MYO6: variants seen among roughly 807,000 people sequenced by gnomAD.
The protein encoded by MYO6 is unconventional myosin-VI.
In MYO6, 74 loss-of-function variants were observed where a neutral mutation model predicts 178.7. The observed-to-expected ratio is 0.41, with a 90% CI of 0.34 to 0.50. The LOEUF (loss-of-function observed/expected upper bound fraction) is 0.50. Ranked by LOEUF, MYO6 falls within the 20% of genes least tolerant of loss-of-function variation. The pLI is 0.09. For synonymous variants in MYO6, 477 were observed against 504.6 expected, an observed-to-expected ratio of 0.95 and a Z score of 0.73; for missense variants, 1,330 against 1,547.4, an observed-to-expected ratio of 0.86 and a Z score of 2.36.
intron 30 of MYO6, among the ~76,000 whole-genome samples, chr6:75,901,124 A>T (rs372652903): frequency 2.6e-5 from 4 of 151,962 alleles, no homozygotes; most frequent in African/African-American, 7.3e-5. Context: ...GCATGCTGTT[A>T]TGGTTACTGT....
intron 23 of MYO6, among the ~76,000 whole-genome samples, chr6:75,885,684 G>A (rs1005713317): frequency 1.3e-4 from 20 of 152,202 alleles, no homozygotes; most frequent in African/African-American, 4.6e-4. Context: ...CCGACCCTAC[G>A]ATCCGCCCGC....
intron 1 of MYO6, among the ~76,000 whole-genome samples, chr6:75,809,913 A>C (rs554260372): frequency 4.7e-5 from 7 of 149,212 alleles, no homozygotes; most frequent in South Asian, 2.1e-4. Flanking sequence ...AAAAAAAAAA[A>C]AAACAAAAAA....
chr6:75,845,030 G>C, intron 10 of MYO6, 53 bp downstream of exon 10: 1 of 1,394,058 alleles, frequency 7.2e-7, no homozygotes. Context: ...AACTCATGCT[G>C]AAAGATGTGT....
At chr6:75,870,848 T>C (rs562123453) in intron 19 of MYO6, among the ~76,000 whole-genome samples, 163 bp downstream of exon 19, 1 of 152,258 alleles carries the variant, frequency 6.6e-6, no homozygotes, top group African/African-American at 2.4e-5. Flanking sequence ...AGGTCAAATA[T>C]ATATGTGAAG....
intron 1 of MYO6, among the ~76,000 whole-genome samples, chr6:75,769,098 A>C (rs796931025): frequency 9.2e-5 from 14 of 152,322 alleles, no homozygotes; most frequent in African/African-American, 3.4e-4. Context: ...GCACCAAGCC[A>C]TTCATGAGGG....
At position 75,911,427 on chromosome 6, in the gene MYO6, T is replaced by A. The variant is rs960707778; in HGVS notation, c.3413-245T>A. ...AAATCACAAATGAAGTATGATTTTT[T>A]AATTTTGGTCCTCTTTATATGTGCT... On this transcript the variant is annotated intron_variant, in intron 32 of 34. Coordinates refer to ENST00000369977, the MANE Select transcript of MYO6 (RefSeq NM_004999.4). Among the ~76,000 whole-genome samples the A allele has an allele frequency of 5.3e-5, 8 of 152,084 alleles. No homozygotes were observed. In the South Asian group the frequency reaches 6.2e-4, roughly 12 times the overall value.
intron 27 of MYO6, 49 bp from the exon 28 acceptor site, chr6:75,892,481 A>G (rs2149373660): frequency 6.2e-7 from 1 of 1,612,842 alleles, no homozygotes; most frequent in East Asian, 2.2e-5. Context: ...GGAGTGATCA[A>G]GTAAACAAGT....
At position 75,815,982 on chromosome 6, in the gene MYO6, T is replaced by C. The variant is rs564294676; in HGVS notation, c.-47-1519T>C. 2.5e-4 allele frequency among the ~76,000 whole-genome samples: 38 copies of C among 152,358 alleles called. No individual in the cohort carries two copies. The South Asian group carries it at 7.9e-3, about 32-fold the overall frequency. ...GCTCATTAAAACAAAATATTTTGCA[T>C]GTCACGGATTGTTTTGGCTACTCTT... On this transcript the variant is annotated intron_variant, in intron 1 of 34. Coordinates refer to ENST00000369977, the MANE Select transcript of MYO6 (RefSeq NM_004999.4).
At chr6:75,793,751 A>G (rs1418419692) in intron 1 of MYO6, among the ~76,000 whole-genome samples, 1 of 152,228 alleles carries the variant, frequency 6.6e-6, no homozygotes, top group African/African-American at 2.4e-5. Context: ...CTTGATAAAC[A>G]TGGAGAATGT....
intron 1 of MYO6, among the ~76,000 whole-genome samples, chr6:75,762,753 C>G (rs1041188145): frequency 2.0e-5 from 3 of 152,236 alleles, no homozygotes; most frequent in African/African-American, 7.2e-5. Context: ...CCATTGTCTG[C>G]AGCTCTTGTC....
chr6:75,898,819 G>A (rs2149389030), intron 30 of MYO6, among the ~76,000 whole-genome samples: 1 of 152,300 alleles, frequency 6.6e-6, no homozygotes, highest in South Asian at 2.1e-4. Context: ...GGTAGAGGAA[G>A]AACATGACTC....
At chr6:75,892,411 T>C in intron 27 of MYO6, 119 bp from the exon 28 acceptor site, 1 of 1,304,282 alleles carries the variant, frequency 7.7e-7, no homozygotes, top group Non-Finnish European at 1.1e-6. Flanking sequence ...CTTAAGCAAT[T>C]CTTTAGTAAA....
intron 1 of MYO6, among the ~76,000 whole-genome samples, chr6:75,779,736 C>T (rs2150047806): frequency 6.6e-6 from 1 of 152,184 alleles, no homozygotes; most frequent in African/African-American, 2.4e-5. Flanking sequence ...ATGCTTTAGT[C>T]ATTTCATGTG....
At chr6:75,814,782 G>A (rs573397636) in intron 1 of MYO6, among the ~76,000 whole-genome samples, 3 of 151,792 alleles carry the variant, frequency 2.0e-5, no homozygotes, top group Non-Finnish European at 4.4e-5. Context: ...TGTCTTGAAC[G>A]TGGGAGGTCA....
chr6:75,784,322 T>C (rs1046116664), intron 1 of MYO6, among the ~76,000 whole-genome samples: 2 of 151,732 alleles, frequency 1.3e-5, no homozygotes, highest in African/African-American at 4.8e-5. Context: ...GAGACTTTAT[T>C]TGAGGGACTT....
chr6:75,864,849 T>C (rs575372024), intron 16 of MYO6, among the ~76,000 whole-genome samples: 138 of 152,330 alleles, frequency 9.1e-4, no homozygotes, highest in African/African-American at 3.1e-3. Flanking sequence ...ACTATTCTAA[T>C]GTTTTTACTT....
At chr6:75,914,354 A>C (rs929599840) in intron 34 of MYO6, 73 bp downstream of exon 34, 131 of 1,378,956 alleles carry the variant, frequency 9.5e-5, no homozygotes, top group Admixed American at 3.4e-4. Context: ...AAACATTCTA[A>C]TGTATAATAT....
At chr6:75,753,790 GA>G (rs1471348116) in intron 1 of MYO6, among the ~76,000 whole-genome samples, 1 of 152,058 alleles carries the variant, frequency 6.6e-6, no homozygotes, top group Non-Finnish European at 1.5e-5. Context: ...GAGGAACCAG[GA>G]TCTTTTCATT....
At chr6:75,766,205 C>T (rs1778404971) in intron 1 of MYO6, among the ~76,000 whole-genome samples, 1 of 152,136 alleles carries the variant, frequency 6.6e-6, no homozygotes, top group African/African-American at 2.4e-5. Context: ...TGCCTGTAAT[C>T]CCAGCTACGT....
Sources: gnomAD v4.1 joint callset for allele counts (sites outside exome capture counted in the v4.1 genomes callset) on GRCh38, gnomAD v4.1.1 for gene constraint, MANE v1.5 for transcripts, NCBI Gene and HGNC (gene_info 2026-07-23, HGNC 2026-07-21) for gene names.